Variants in PLA2G6 observed in about 807,000 individuals in gnomAD.
PLA2G6 encodes 85/88 kDa calcium-independent phospholipase A2.
Under a neutral mutation model 83.8 loss-of-function variants are expected in PLA2G6, and 62 were observed. That is an observed-to-expected ratio of 0.74 (90% CI 0.60 to 0.91). The LOEUF (loss-of-function observed/expected upper bound fraction) is 0.91. Ranked by LOEUF, PLA2G6 falls within the 40% of genes least tolerant of loss-of-function variation. The pLI, the probability that PLA2G6 is intolerant of heterozygous loss-of-function variation, is 0.00. For missense variants in PLA2G6, 944 were observed against 1,102.0 expected (o/e 0.86, Z 2.03); for synonymous variants, 417 against 449.8 (o/e 0.93, Z 0.92).
At chr22:38,168,462 G>A (rs1602265019) in intron 2 of PLA2G6, among the ~76,000 whole-genome samples, 1 of 152,210 alleles carries the variant, frequency 6.6e-6, no homozygotes, top group Non-Finnish European at 1.5e-5. Flanking sequence ...TTCAGGCCCA[G>A]GGGAGTCCCA....
intron 1 of PLA2G6, among the ~76,000 whole-genome samples, chr22:38,176,453 A>G (rs1052380023): frequency 3.3e-5 from 5 of 152,188 alleles, no homozygotes; most frequent in Non-Finnish European, 5.9e-5. Context: ...TGCTGACGAC[A>G]GGATGTCCCA....
At chr22:38,113,924 C>T in intron 14 of PLA2G6, 1 of 555,530 alleles carries the variant, frequency 1.8e-6, no homozygotes, top group Non-Finnish European at 3.4e-6. Flanking sequence ...AAGAAGGATC[C>T]CGCCCACCCC....
chr22:38,143,958 G>C (rs891191086), intron 3 of PLA2G6: 2 of 175,850 alleles, frequency 1.1e-5, no homozygotes, highest in African/African-American at 4.8e-5. Flanking sequence ...TGGCCAGGCT[G>C]GTCTCAAACT....
chr22:38,126,320 G>T (rs984595225), intron 10 of PLA2G6, 51 bp downstream of exon 10: 7 of 1,383,548 alleles, frequency 5.1e-6, no homozygotes, highest in Non-Finnish European at 7.2e-6. Flanking sequence ...TGGGTGAGGG[G>T]CAGGAAAGCG....
At chr22:38,166,655 G>A (rs1244430563) in intron 2 of PLA2G6, among the ~76,000 whole-genome samples, 1 of 152,212 alleles carries the variant, frequency 6.6e-6, no homozygotes, top group African/African-American at 2.4e-5. Flanking sequence ...CTTGAACCCA[G>A]GAGGCAGAGG....
intron 1 of PLA2G6, 73 bp downstream of exon 1, chr22:38,181,591 G>A (rs2090850316): frequency 6.6e-6 from 1 of 152,380 alleles, no homozygotes; most frequent in African/African-American, 2.4e-5. Flanking sequence ...ATGGGAATTG[G>A]GGACGCAGGG....
At chr22:38,170,071 G>A (rs575261546) in intron 1 of PLA2G6, among the ~76,000 whole-genome samples, 4 of 152,000 alleles carry the variant, frequency 2.6e-5, no homozygotes, top group South Asian at 2.1e-4. Flanking sequence ...GGTGGCAGGC[G>A]CCTGTAGTCC....
intron 2 of PLA2G6, among the ~76,000 whole-genome samples, chr22:38,152,429 A>G (rs1452045964): frequency 6.7e-6 from 1 of 149,068 alleles, no homozygotes; most frequent in African/African-American, 2.5e-5. Flanking sequence ...TGGTCTCAAA[A>G]CTCCCGACCT....
At chr22:38,168,010 G>C (rs2090287638) in intron 2 of PLA2G6, 1 of 169,528 alleles carries the variant, frequency 5.9e-6, no homozygotes, top group Admixed American at 6.5e-5. Context: ...CTGCCACACA[G>C]GCTCCTCCTC....
Position 38,128,549 on chromosome 22 carries a change from G to A in PLA2G6, c.1187-119C>T, listed in dbSNP as rs1173279743. The A allele has an allele frequency of 2.1e-5, 24 of 1,132,398 alleles. No individual in the cohort carries two copies. The East Asian group carries it at 4.3e-4, about 20-fold the overall frequency. 70.1% of individuals were successfully genotyped at this position (1,132,398 alleles called of 1,614,324 possible). A position where few individuals can be genotyped will look rare whatever the true frequency, so the allele number is the denominator to read the frequency against. ...GTCCCAGCTCCCAGGCCCTGGGCACGTGGGCTGCTCCAGAGGCCTCAGCCC... is the reference window on the plus strand; with the variant it reads ...GTCCCAGCTCCCAGGCCCTGGGCACATGGGCTGCTCCAGAGGCCTCAGCCC... On this transcript the variant is annotated intron_variant, in intron 8 of 16. Coordinates refer to ENST00000332509, the MANE Select transcript of PLA2G6 (RefSeq NM_003560.4). The surrounding 1 kb of genome is among the most constrained non-coding windows in gnomAD (Gnocchi z 4.4).
At position 38,129,504 on chromosome 22, in the gene PLA2G6, G is replaced by C. The variant is rs570834054; in HGVS notation, c.1136C>G (p.Pro379Arg). 6.2e-7 allele frequency: 1 copy of C among 1,614,068 alleles called. No homozygotes were observed. Among genetic ancestry groups the C allele is most frequent in the Middle Eastern group, 1.6e-4 (1 of 6,062 alleles). Reference sequence around the variant, plus strand: ...TGTAGGAGTCTCCCCAAAGTCATTCGGGGTGTCCACTTCTGCTCCGAACAC... The same window carrying C: ...TGTAGGAGTCTCCCCAAAGTCATTCCGGGTGTCCACTTCTGCTCCGAACAC... The part of the protein sequence containing the change: ...LIVFGAEVDT[P>R]NDFGETPTFL... The change falls in exon 8 of 17, where the codon CCG becomes CGG. Residue 379 changes from proline to arginine, a missense_variant. Transcript: ENST00000332509.
chr22:38,176,773 C>G (rs1292880922), intron 1 of PLA2G6, among the ~76,000 whole-genome samples: 1 of 152,138 alleles, frequency 6.6e-6, no homozygotes, highest in Non-Finnish European at 1.5e-5. Flanking sequence ...CGCGGTGGCT[C>G]ACACCTGTAA....
At chr22:38,176,763 C>A (rs760732947) in intron 1 of PLA2G6, among the ~76,000 whole-genome samples, 1 of 152,138 alleles carries the variant, frequency 6.6e-6, no homozygotes, top group Non-Finnish European at 1.5e-5. Context: ...CGCAGCCGGG[C>A]GCGGTGGCTC....
rs541441846 is a variant in PLA2G6 at position 38,168,486 on chromosome 22, G to A, written c.209+732C>T. ...AGGGGAGTCCCAGCATGCCCCAAGA[G>A]GCAACAGCTCTGTCCAGCCTTCCTA... On this transcript the variant is annotated intron_variant, in intron 2 of 16. Transcript: ENST00000332509. 5.9e-5 allele frequency among the ~76,000 whole-genome samples: 9 copies of A among 152,360 alleles called. No individual in the cohort carries two copies. In the East Asian group the frequency reaches 1.7e-3, roughly 29 times the overall value.
chr22:38,120,752 G>C lies in PLA2G6; in HGVS notation c.1742+7C>G, dbSNP rs1260554398. 1 of 1,613,416 alleles carries C rather than the reference G, an allele frequency of 6.2e-7. No homozygotes were observed. The highest frequency in any genetic ancestry group is 1.3e-5 in the African/African-American group (1 of 74,940). ...TGCGGCCACGGCCCCAGTGCGCCAG[G>C]GCTTACTTGGGTTTCCTGACGTCCG... On this transcript the variant is annotated splice_region_variant and intron_variant, in intron 12 of 16. Transcript: ENST00000332509.
chr22:38,128,859 C>T lies in PLA2G6; in HGVS notation c.1187-429G>A, dbSNP rs927088407. 3.9e-5 allele frequency among the ~76,000 whole-genome samples: 6 copies of T among 152,236 alleles called. No individual in the cohort carries two copies. Among genetic ancestry groups the T allele is most frequent in the East Asian group, 3.8e-4 (2 of 5,200 alleles). On this transcript the variant is annotated intron_variant, in intron 8 of 16. Coordinates refer to ENST00000332509, the MANE Select transcript of PLA2G6 (RefSeq NM_003560.4). The surrounding 1 kb of genome is among the most constrained non-coding windows in gnomAD (Gnocchi z 4.4). ...ATTGCTGAAAAGGAGGTCATAGATGCGGTGCATGCAGACACACACGTGTGC... is the reference window on the plus strand; with the variant it reads ...ATTGCTGAAAAGGAGGTCATAGATGTGGTGCATGCAGACACACACGTGTGC...
chr22:38,171,789 C>G (rs133002), intron 1 of PLA2G6, among the ~76,000 whole-genome samples: 16,291 of 150,924 alleles, frequency 0.11, 1,027 homozygotes, highest in African/African-American at 0.15. Context: ...CCACCGCACT[C>G]CAGCCTAGGT....
rs1187445812 is a variant in PLA2G6, at chr22:38,116,106, G to A, written c.1848C>T (p.Asn616=). Residue 616 remains asparagine, a synonymous_variant, in exon 13 of 17, where the codon AAC becomes AAT. Transcript: ENST00000332509. ...GCTGAGCTGGAGGCCTGAGGTTAAC[G>A]TTCTGGTTGAAACGAGGCTCCCGGA... is the stretch of plus-strand genomic sequence containing the variant. The part of the protein sequence containing the change: ...ETVREPRFNQ[N]VNLRPPAQPS... 6 of 1,614,114 alleles carry A rather than the reference G, an allele frequency of 3.7e-6. No individual in the cohort carries two copies. Among genetic ancestry groups the A allele is most frequent in the East Asian group, 2.2e-5 (1 of 44,888 alleles).
At chr22:38,139,437 T>A (rs1319899342) in intron 5 of PLA2G6, 3 of 151,524 alleles carry the variant, frequency 2.0e-5, no homozygotes, top group South Asian at 2.1e-4. Context: ...ATTTATTTAT[T>A]TATTTATTTA....
Sources: allele counts gnomAD v4.1 joint callset (sites outside exome capture counted in the v4.1 genomes callset), GRCh38; gene constraint gnomAD v4.1.1; non-coding constraint Gnocchi (gnomAD v3.1); transcripts MANE v1.5; gene names NCBI Gene and HGNC (gene_info 2026-07-23, HGNC 2026-07-21).